Variants in PTPN22 observed in about 807,000 individuals in gnomAD.
PTPN22 encodes the protein protein tyrosine phosphatase non-receptor type 22.
A neutral mutation model predicts 103.3 loss-of-function variants in PTPN22; 85 were observed. That is an observed-to-expected ratio of 0.82 (90% CI 0.69 to 0.99). The LOEUF (loss-of-function observed/expected upper bound fraction) is 0.99, where lower values mean the gene tolerates loss of function less well. Ranked by LOEUF, PTPN22 falls within the 50% of genes least tolerant of loss-of-function variation. The pLI, the probability that PTPN22 is intolerant of heterozygous loss-of-function variation, is 0.00. For missense variants in PTPN22, 865 were observed against 936.9 expected, an observed-to-expected ratio of 0.92 and a Z score of 1.00; for synonymous variants, 323 against 310.2, an observed-to-expected ratio of 1.04 and a Z score of -0.43.
chr1:113,835,883 T>C (rs1479040217), intron 13 of PTPN22, among the ~76,000 whole-genome samples: 1 of 152,184 alleles, frequency 6.6e-6, no homozygotes, highest in Admixed American at 6.5e-5. Flanking sequence ...TGCCACCAGA[T>C]GGCACATGAC....
chr1:113,819,974 A>G (rs1447906570), intron 19 of PTPN22: 1 of 168,380 alleles, frequency 5.9e-6, no homozygotes, highest in Non-Finnish European at 1.3e-5. Context: ...TGAAATTCAC[A>G]TTTTGGCTTT....
At chr1:113,869,716 C>A (rs895926900) in intron 1 of PTPN22, among the ~76,000 whole-genome samples, 1 of 152,104 alleles carries the variant, frequency 6.6e-6, no homozygotes, top group Non-Finnish European at 1.5e-5. Flanking sequence ...TTTTAAAAAA[C>A]ACAACCAAAA....
chr1:113,870,594 T>C (rs1666495817), intron 1 of PTPN22, among the ~76,000 whole-genome samples: 1 of 152,112 alleles, frequency 6.6e-6, no homozygotes, highest in Admixed American at 6.5e-5. Context: ...CTTGTACTCA[T>C]GTTTCTCTCC....
chr1:113,859,157 A>T, intron 2 of PTPN22, 79 bp from the exon 3 acceptor site: 1 of 1,582,152 alleles, frequency 6.3e-7, no homozygotes, highest in Non-Finnish European at 8.6e-7. Flanking sequence ...CACTGTGAAT[A>T]GTGTATGCTC....
intron 6 of PTPN22, 53 bp from the exon 7 acceptor site, chr1:113,856,494 A>C (rs111659580): frequency 9.9e-6 from 16 of 1,614,048 alleles, no homozygotes; most frequent in African/African-American, 8.0e-5. Flanking sequence ...CAAGCTCTCT[A>C]TAAGGTAGAC....
chr1:113,818,545 T>A (rs919108760), intron 20 of PTPN22, among the ~76,000 whole-genome samples: 1 of 152,202 alleles, frequency 6.6e-6, no homozygotes, highest in Admixed American at 6.5e-5. Context: ...GAAATTTTAG[T>A]TAAACATTTT....
intron 20 of PTPN22, 100 bp from the exon 21 acceptor site, chr1:113,815,069 TC>T (rs1397755100): frequency 8.3e-6 from 7 of 847,470 alleles, no homozygotes; most frequent in Non-Finnish European, 1.3e-5. Flanking sequence ...AAATACATGG[TC>T]TTTTTTTAAA....
At chr1:113,859,396 T>C in exon 2 of PTPN22, 1 of 1,614,008 alleles carries the variant, frequency 6.2e-7, no homozygotes, top group Non-Finnish European at 8.5e-7. Context: ...ATTCTTGGGC[T>C]TCTCAGCCAC....
intron 18 of PTPN22, chr1:113,829,020 T>C (rs1011627782): frequency 6.6e-6 from 1 of 152,064 alleles, no homozygotes; most frequent in Non-Finnish European, 1.5e-5. Context: ...TTATTTATTT[T>C]TATTTTTAAA....
intron 11 of PTPN22, among the ~76,000 whole-genome samples, chr1:113,842,892 G>C (rs1419643762): frequency 6.6e-6 from 1 of 150,650 alleles, no homozygotes; most frequent in Admixed American, 6.6e-5. Context: ...ACGAGGTCAG[G>C]AGATCGAGAC....
At chr1:113,849,723 G>C (rs1664396005) in intron 10 of PTPN22, among the ~76,000 whole-genome samples, 1 of 151,672 alleles carries the variant, frequency 6.6e-6, no homozygotes, top group Non-Finnish European at 1.5e-5. Flanking sequence ...AAGTAAGTCG[G>C]GACTGCAGGC....
chr1:113,856,055 C>A (rs1204609868), intron 7 of PTPN22, among the ~76,000 whole-genome samples: 2 of 152,114 alleles, frequency 1.3e-5, no homozygotes, highest in African/African-American at 4.8e-5. Context: ...GCTCTGTCAC[C>A]CAGGCTGCAG....
At chr1:113,828,519 CCT>C (rs907870126) in intron 18 of PTPN22, among the ~76,000 whole-genome samples, 4 of 152,158 alleles carry the variant, frequency 2.6e-5, no homozygotes, top group East Asian at 3.9e-4. Context: ...ATCTTTATCC[CCT>C]GATTTTGAGA....
At chr1:113,819,685 A>G (rs533342086) in intron 19 of PTPN22, 31 bp from the exon 20 acceptor site, 2 of 1,449,656 alleles carry the variant, frequency 1.4e-6, no homozygotes, top group South Asian at 1.2e-5. Flanking sequence ...TATAAGGGAA[A>G]GACTAAAGAC....
chr1:113,834,706 ATGC>A (rs1194422776), intron 14 of PTPN22, among the ~76,000 whole-genome samples: 1 of 152,002 alleles, frequency 6.6e-6, no homozygotes, highest in East Asian at 1.9e-4. Context: ...CTACACATGC[ATGC>A]TGCTATTGCT....
At chr1:113,845,384 G>A (rs766983822) in intron 11 of PTPN22, among the ~76,000 whole-genome samples, 1 of 151,748 alleles carries the variant, frequency 6.6e-6, no homozygotes, top group Non-Finnish European at 1.5e-5. Flanking sequence ...TGTATATTTA[G>A]TAGAGATGGG....
At chr1:113,856,743 G>A in intron 5 of PTPN22, 124 bp from the exon 6 acceptor site, 1 of 1,218,666 alleles carries the variant, frequency 8.2e-7, no homozygotes. Flanking sequence ...AACCCCTTTG[G>A]GCTTCAACCC....
intron 18 of PTPN22, among the ~76,000 whole-genome samples, chr1:113,827,140 A>G (rs188829090): frequency 6.6e-6 from 1 of 152,356 alleles, no homozygotes; most frequent in East Asian, 1.9e-4. Context: ...TTTCAAGGGC[A>G]AATAGTTATC....
At chr1:113,860,811 C>T (rs1050550152) in intron 1 of PTPN22, among the ~76,000 whole-genome samples, 1 of 152,328 alleles carries the variant, frequency 6.6e-6, no homozygotes, top group African/African-American at 2.4e-5. Context: ...GAACTAAGCT[C>T]AGTGCATACT....
Sources: gnomAD v4.1 joint callset for allele counts (sites outside exome capture counted in the v4.1 genomes callset) on GRCh38, gnomAD v4.1.1 for gene constraint, MANE v1.5 for transcripts, NCBI Gene and HGNC (gene_info 2026-07-23, HGNC 2026-07-21) for gene names.